Variants in PLCL2 observed in about 807,000 individuals in gnomAD.
PLCL2 encodes inactive phospholipase C-like protein 2.
In PLCL2, 4 loss-of-function variants were observed where a neutral mutation model predicts 79.6. The ratio of observed to expected loss-of-function variants is 0.05; its 90% CI spans 0.02 to 0.11. PLCL2 has a LOEUF of 0.11. Ranked by LOEUF, PLCL2 falls within the 10% of genes least tolerant of loss-of-function variation. The pLI, the probability that PLCL2 is intolerant of heterozygous loss-of-function variation, is 1.00. For missense variants in PLCL2, 895 were observed against 1,291.0 expected (o/e 0.69, Z 4.70); for synonymous variants, 484 against 457.7 (o/e 1.06, Z -0.73).
chr3:17,043,913 G>A (rs1006480584), intron 4 of PLCL2: 1 of 152,118 alleles, frequency 6.6e-6, no homozygotes, highest in African/African-American at 2.4e-5. Context: ...GTCCTTTGCA[G>A]GCTAACTCTC....
At chr3:16,920,037 C>T (rs970766920) in intron 1 of PLCL2, among the ~76,000 whole-genome samples, 2 of 152,118 alleles carry the variant, frequency 1.3e-5, no homozygotes, top group Non-Finnish European at 2.9e-5. Flanking sequence ...TCCTGACTGC[C>T]TCTGAGAGTA....
intron 1 of PLCL2, among the ~76,000 whole-genome samples, chr3:17,004,797 ATTG>A (rs1018331352): frequency 6.6e-6 from 1 of 152,002 alleles, no homozygotes; most frequent in Admixed American, 6.6e-5. Context: ...TTAGTTTTGT[ATTG>A]TTGTGTAAAA....
intron 1 of PLCL2, among the ~76,000 whole-genome samples, chr3:16,909,160 G>GT (rs1281083621): frequency 2.6e-5 from 4 of 152,222 alleles, no homozygotes; most frequent in Non-Finnish European, 4.4e-5. Context: ...GTGTTTTAAT[G>GT]TTTTTTCTAG....
At chr3:17,042,620 G>T in intron 3 of PLCL2, 1 of 322,968 alleles carries the variant, frequency 3.1e-6, no homozygotes, top group Admixed American at 4.3e-5. Flanking sequence ...TTAGCTCAGG[G>T]TTCAAGTGCA....
intron 1 of PLCL2, among the ~76,000 whole-genome samples, chr3:16,934,752 A>G (rs1697498534): frequency 2.0e-5 from 3 of 152,222 alleles, no homozygotes; most frequent in African/African-American, 4.8e-5. Context: ...GCAACTAGGA[A>G]GAAGTAGACA....
At position 17,014,782 on chromosome 3, in the gene PLCL2, G is replaced by A. The variant is rs1168698585; in HGVS notation, c.2889G>A (p.Val963=). ...VANLMQCMLA[V]SPRFLGPDNT... is the part of the protein sequence containing the mutation. ...ATCTCATGCAGTGCATGTTGGCGGT[G>A]TCTCCCCGCTTTCTGGGGCCCGATA... is the stretch of plus-strand genomic sequence containing the variant. The change falls in exon 3 of 6, where the codon GTG becomes GTA. Residue 963 remains valine (V), a synonymous_variant. Transcript: ENST00000615277. 6.2e-7 allele frequency: 1 copy of A among 1,614,046 alleles called. No homozygotes were observed. The highest frequency in any genetic ancestry group is 1.3e-5 in the African/African-American group (1 of 74,930).
intron 1 of PLCL2, among the ~76,000 whole-genome samples, chr3:16,965,220 T>G (rs1003798130): frequency 8.5e-5 from 13 of 152,212 alleles, no homozygotes; most frequent in African/African-American, 1.2e-4. Flanking sequence ...AGGGATCCAG[T>G]TTCAGCTTTC....
chr3:16,887,978 G>A lies in PLCL2; in HGVS notation c.327+2612G>A, dbSNP rs1370878137. 6.6e-6 allele frequency among the ~76,000 whole-genome samples: 1 copy of A among 152,068 alleles called. No individual in the cohort carries two copies. Among genetic ancestry groups the A allele is most frequent in the African/African-American group, 2.4e-5 (1 of 41,402 alleles). ...ATTGGGGACTTGAGGGAATAGCAGGGAGTGAATGCTACCTGGGGAACTGAG... is the reference window on the plus strand; with the variant it reads ...ATTGGGGACTTGAGGGAATAGCAGGAAGTGAATGCTACCTGGGGAACTGAG... On this transcript the variant is annotated intron_variant, in intron 1 of 5. Coordinates refer to ENST00000615277, the MANE Select transcript of PLCL2 (RefSeq NM_001144382.2). The surrounding 1 kb of genome is among the most constrained non-coding windows in gnomAD (Gnocchi z 4.1).
At chr3:16,956,827 G>A (rs2063710326) in intron 1 of PLCL2, among the ~76,000 whole-genome samples, 3 of 152,130 alleles carry the variant, frequency 2.0e-5, no homozygotes, top group Admixed American at 2.0e-4. Flanking sequence ...AGAGGTGTTT[G>A]TAGTATTCTC....
chr3:17,017,582 A>C (rs1287480612), intron 3 of PLCL2, among the ~76,000 whole-genome samples: 1 of 152,134 alleles, frequency 6.6e-6, no homozygotes, highest in Non-Finnish European at 1.5e-5. Flanking sequence ...TGTTATGTTG[A>C]GCTTGCCCCA....
At chr3:16,912,153 C>T (rs1013219842) in intron 1 of PLCL2, among the ~76,000 whole-genome samples, 2 of 152,088 alleles carry the variant, frequency 1.3e-5, no homozygotes, top group Non-Finnish European at 2.9e-5. Flanking sequence ...TCACCCTCCC[C>T]AGTGGTTTAA....
intron 1 of PLCL2, among the ~76,000 whole-genome samples, chr3:16,921,536 G>A (rs1429856380): frequency 6.6e-6 from 1 of 152,102 alleles, no homozygotes; most frequent in African/African-American, 2.4e-5. Flanking sequence ...TCCTAAAAGG[G>A]GATCTTATTT....
At chr3:16,946,953 CTTTT>C (rs1056023349) in intron 1 of PLCL2, among the ~76,000 whole-genome samples, 3 of 95,440 alleles carry the variant, frequency 3.1e-5, no homozygotes, top group African/African-American at 4.3e-5. Context: ...AAGTTTCATT[CTTTT>C]TTTTTTTTTT....
chr3:17,029,322 C>T (rs1254832750), intron 3 of PLCL2, among the ~76,000 whole-genome samples: 1 of 150,694 alleles, frequency 6.6e-6, no homozygotes, highest in Non-Finnish European at 1.5e-5. Context: ...CAATTCCCTC[C>T]TTAAAGATTC....
intron 5 of PLCL2, among the ~76,000 whole-genome samples, chr3:17,075,229 C>T (rs2065097785): frequency 6.6e-6 from 1 of 152,086 alleles, no homozygotes; most frequent in Non-Finnish European, 1.5e-5. Flanking sequence ...GTCTCAGGAA[C>T]TTTGCATGTC....
intron 4 of PLCL2, among the ~76,000 whole-genome samples, chr3:17,064,469 C>G (rs2064987744): frequency 6.6e-6 from 1 of 152,168 alleles, no homozygotes; most frequent in South Asian, 2.1e-4. Context: ...GCTGTAGCCT[C>G]TGTCTGCATT....
chr3:16,956,256 CA>C (rs1327222620), intron 1 of PLCL2, among the ~76,000 whole-genome samples: 2 of 152,150 alleles, frequency 1.3e-5, no homozygotes, highest in African/African-American at 4.8e-5. Context: ...TGAATTTTGT[CA>C]AAGGCCTTTT....
chr3:17,015,547 T>C (rs1196183844), intron 3 of PLCL2, among the ~76,000 whole-genome samples: 1 of 152,350 alleles, frequency 6.6e-6, no homozygotes, highest in African/African-American at 2.4e-5. Context: ...AGAGAATTTA[T>C]TGGGTGAAGG....
chr3:16,949,571 CT>C (rs2063632124), intron 1 of PLCL2, among the ~76,000 whole-genome samples: 1 of 151,958 alleles, frequency 6.6e-6, no homozygotes, highest in Admixed American at 6.6e-5. Context: ...TGTGGCATGC[CT>C]TTTGACTTTG....
Sources: allele counts gnomAD v4.1 joint callset (sites outside exome capture counted in the v4.1 genomes callset), GRCh38; gene constraint gnomAD v4.1.1; non-coding constraint Gnocchi (gnomAD v3.1); transcripts MANE v1.5; gene names NCBI Gene and HGNC (gene_info 2026-07-23, HGNC 2026-07-21).